The following FBXO34 variants were observed in gnomAD, a reference collection of about 807,000 sequenced individuals.
FBXO34 encodes the protein F-box only protein 34.
FBXO34 carries 12 observed loss-of-function variants against 24.5 expected under a neutral mutation model. That is an observed-to-expected ratio of 0.49 (90% CI 0.31 to 0.79). The LOEUF (loss-of-function observed/expected upper bound fraction) is 0.79, where lower values mean the gene tolerates loss of function less well. FBXO34 is among the 30% of genes least tolerant of loss of function. The pLI is 0.04. For synonymous variants in FBXO34, 320 were observed against 311.9 expected (o/e 1.03, Z -0.27); for missense variants, 823 against 857.7 (o/e 0.96, Z 0.51).
chr14:55,273,484 A>G (rs1881229154), intron 1 of FBXO34, among the ~76,000 whole-genome samples: 1 of 152,164 alleles, frequency 6.6e-6, no homozygotes, highest in Admixed American at 6.5e-5. Flanking sequence ...GAGGAATTTT[A>G]TGCTGACAGT....
chr14:55,411,495 T>C, the FBXO34 span: 15 of 1,113,164 alleles, frequency 1.3e-5, no homozygotes, highest in Admixed American at 2.4e-5. Flanking sequence ...CTCGCTCCTC[T>C]CGCTGGTATC....
At chr14:55,345,524 C>T (rs1312831918) in intron 1 of FBXO34, among the ~76,000 whole-genome samples, 1 of 152,206 alleles carries the variant, frequency 6.6e-6, no homozygotes, top group Non-Finnish European at 1.5e-5. Flanking sequence ...CCTTCTCCCT[C>T]TTCATCCATA....
chr14:55,325,010 ACAAAGGCTC>A (rs1258568067), intron 1 of FBXO34, among the ~76,000 whole-genome samples: 1 of 152,208 alleles, frequency 6.6e-6, no homozygotes, highest in Non-Finnish European at 1.5e-5. Flanking sequence ...AATCCTATTC[ACAAAGGCTC>A]CATCCTTATG....
At chr14:55,289,206 T>A (rs1881861024) in intron 1 of FBXO34, among the ~76,000 whole-genome samples, 1 of 152,244 alleles carries the variant, frequency 6.6e-6, no homozygotes, top group Non-Finnish European at 1.5e-5. Context: ...ATTTTTAAAT[T>A]TTGTTATTTT....
chr14:55,331,532 A>T (rs971520433), intron 1 of FBXO34, among the ~76,000 whole-genome samples: 3 of 142,864 alleles, frequency 2.1e-5, no homozygotes, highest in Non-Finnish European at 4.6e-5. Flanking sequence ...GAGTTTGGAA[A>T]ACTAAATTGA....
intron 1 of FBXO34, among the ~76,000 whole-genome samples, chr14:55,339,790 T>C (rs573181708): frequency 1.9e-4 from 29 of 152,350 alleles, no homozygotes; most frequent in Non-Finnish European, 3.2e-4. Context: ...CTCGTTTCTT[T>C]ACAAGTAGTA....
At chr14:55,364,363 A>AAAT (rs1439342879), downstream of FBXO34, among the ~76,000 whole-genome samples, 1 of 152,210 alleles carries the variant, frequency 6.6e-6, no homozygotes, top group Non-Finnish European at 1.5e-5. Flanking sequence ...TCATTGATGT[A>AAAT]AATAACTCTT....
At chr14:55,360,475 T>C (rs2140103107) in intron 3 of FBXO34, among the ~76,000 whole-genome samples, 1 of 152,290 alleles carries the variant, frequency 6.6e-6, no homozygotes, top group Admixed American at 6.5e-5. Flanking sequence ...AGGCTCCACT[T>C]TTAGTTCTCT....
rs1884347096 is a variant in FBXO34 at position 55,351,064 on chromosome 14, G to C, written c.674G>C (p.Cys225Ser). 2 of 1,614,194 alleles carry C rather than the reference G, an allele frequency of 1.2e-6. No homozygotes were observed. The highest frequency in any genetic ancestry group is 2.2e-5 in the South Asian group (2 of 91,088). The change falls in exon 2 of 2, where the codon TGT becomes TCT. Residue 225 changes from cysteine to serine, a missense_variant. By Grantham distance (112) the Cys-to-Ser change is moderately radical. Transcript: ENST00000313833. The part of the protein sequence containing the change: ...EQRASALLAS[C>S]SKNCTNSPAI... ...AGAGCCAGTGCTCTGCTAGCTAGCT[G>C]TTCAAAAAACTGCACAAACTCACCT... is the stretch of plus-strand genomic sequence containing the variant.
At chr14:55,407,535 G>C in the FBXO34 span, among the ~76,000 whole-genome samples, 2 of 152,214 alleles carry the variant, frequency 1.3e-5, no homozygotes, top group African/African-American at 4.8e-5. Flanking sequence ...AAAGTGCTGG[G>C]ATTACAGGCA....
At chr14:55,301,474 A>G (rs1212656061) in intron 1 of FBXO34, among the ~76,000 whole-genome samples, 1 of 152,032 alleles carries the variant, frequency 6.6e-6, no homozygotes, top group Non-Finnish European at 1.5e-5. Context: ...TGTTAATATT[A>G]TACAGCATCT....
intron 1 of FBXO34, among the ~76,000 whole-genome samples, chr14:55,302,737 C>A (rs1882407952): frequency 1.3e-5 from 2 of 151,584 alleles, no homozygotes; most frequent in Non-Finnish European, 2.9e-5. Flanking sequence ...TGCTTACTTA[C>A]TAGATACAGA....
At chr14:55,366,444 A>G (rs1176575138), downstream of FBXO34, 2 of 152,658 alleles carry the variant, frequency 1.3e-5, no homozygotes, top group African/African-American at 4.8e-5. Flanking sequence ...AAACATTTGT[A>G]TGACTCAAAC....
chr14:55,294,079 C>G (rs1053235838), intron 1 of FBXO34, among the ~76,000 whole-genome samples: 1 of 152,094 alleles, frequency 6.6e-6, no homozygotes, highest in African/African-American at 2.4e-5. Flanking sequence ...CTTCTTAAGT[C>G]TGTACTGATC....
intron 1 of FBXO34, among the ~76,000 whole-genome samples, chr14:55,286,795 G>C (rs1284285474): frequency 6.6e-6 from 1 of 150,630 alleles, no homozygotes; most frequent in African/African-American, 2.4e-5. Context: ...ACCAGAAGTG[G>C]TTTGGATTTT....
intron 1 of FBXO34, chr14:55,298,617 G>C (rs955532029): frequency 1.7e-6 from 2 of 1,182,114 alleles, no homozygotes; most frequent in East Asian, 2.6e-5. Flanking sequence ...CAGCCGGAGC[G>C]GGCGTTGAAG....
At chr14:55,428,427 C>T in the FBXO34 span, among the ~76,000 whole-genome samples, 3 of 152,122 alleles carry the variant, frequency 2.0e-5, no homozygotes, top group Non-Finnish European at 2.9e-5. Flanking sequence ...TGCCAAGCTA[C>T]GTTTGTATGC....
Position 55,350,469 on chromosome 14 carries a change from A to G in FBXO34, c.79A>G (p.Met27Val), listed in dbSNP as rs755033117. 3.3e-5 allele frequency: 53 copies of G among 1,613,626 alleles called. No individual in the cohort carries two copies. The highest frequency in any genetic ancestry group is 2.5e-4 in the African/African-American group (19 of 74,890). The change falls in exon 2 of 2, where the codon ATG becomes GTG. Residue 27 changes from methionine to valine, a missense_variant. Coordinates refer to ENST00000313833, the MANE Select transcript of FBXO34 (RefSeq NM_017943.4). ...EVSRETQRTP[M>V]NHQKAVNDET... ...CAGCAGGGAAACGCAGAGAACTCCT[A>G]TGAACCACCAAAAGGCTGTAAATGA...
the FBXO34 span, among the ~76,000 whole-genome samples, chr14:55,413,064 G>A: frequency 6.6e-5 from 10 of 152,202 alleles, no homozygotes; most frequent in African/African-American, 2.4e-4. Context: ...AATCACGTAG[G>A]ATTACAAAAA....
Sources: gnomAD v4.1 joint callset for allele counts (sites outside exome capture counted in the v4.1 genomes callset) on GRCh38, gnomAD v4.1.1 for gene constraint, MANE v1.5 for transcripts, NCBI Gene and HGNC (gene_info 2026-07-23, HGNC 2026-07-21) for gene names.